Variants in ACO1 observed in about 807,000 individuals in gnomAD.
The protein encoded by ACO1 is cytoplasmic aconitate hydratase.
ACO1 carries 78 observed loss-of-function variants against 105.1 expected under a neutral mutation model. That is an observed-to-expected ratio of 0.74 (90% CI 0.62 to 0.90). The LOEUF is 0.90. Among genes scored for constraint, ACO1 ranks in the 40% least tolerant of loss-of-function variants. ACO1 has a pLI of 0.00. For missense variants in ACO1, 965 were observed against 1,111.1 expected (o/e 0.87, Z 1.87); for synonymous variants, 364 against 397.4 (o/e 0.92, Z 1.00).
chr9:32,399,737 C>G (rs544734446), intron 1 of ACO1, among the ~76,000 whole-genome samples: 17 of 150,796 alleles, frequency 1.1e-4, no homozygotes, highest in Non-Finnish European at 2.2e-4. Context: ...ACACGATTGT[C>G]CTATTAAGAT....
chr9:32,435,261 T>G (rs931653869), intron 17 of ACO1, among the ~76,000 whole-genome samples: 1 of 152,204 alleles, frequency 6.6e-6, no homozygotes, highest in South Asian at 2.1e-4. Flanking sequence ...CTGGTTTCTA[T>G]CCCCATCTGC....
intron 19 of ACO1, among the ~76,000 whole-genome samples, chr9:32,448,443 A>C (rs138340474): frequency 2.0e-5 from 3 of 152,180 alleles, no homozygotes; most frequent in African/African-American, 7.2e-5. Context: ...AAGCCAGTGG[A>C]TCTTAGCTTT....
At chr9:32,433,679 T>C (rs757840061) in intron 15 of ACO1, 49 bp from the exon 16 acceptor site, 3 of 1,421,742 alleles carry the variant, frequency 2.1e-6, no homozygotes, top group East Asian at 4.6e-5. Context: ...ATATTAAATT[T>C]TCTCTGGAAT....
At chr9:32,440,775 CAG>C (rs762994401) in intron 19 of ACO1, among the ~76,000 whole-genome samples, 188 bp downstream of exon 19, 5 of 152,158 alleles carry the variant, frequency 3.3e-5, no homozygotes, top group Non-Finnish European at 5.9e-5. Context: ...AAGGGCAATG[CAG>C]AGTTGAACTG....
Position 32,439,622 on chromosome 9 carries a change from T to A in ACO1, c.2248-843T>A, listed in dbSNP as rs190940529. 1.7e-4 allele frequency among the ~76,000 whole-genome samples: 26 copies of A among 152,338 alleles called. No individual in the cohort carries two copies. Among genetic ancestry groups the A allele is most frequent in the Admixed American group, 1.3e-3 (20 of 15,308 alleles). ...AGATGTTTCTCATGTACTAAAATATTAATCTTTTTCTACCTTTTATTGGGC... is the reference window on the plus strand; with the variant it reads ...AGATGTTTCTCATGTACTAAAATATAAATCTTTTTCTACCTTTTATTGGGC... On this transcript the variant is annotated intron_variant, in intron 18 of 20. Coordinates refer to ENST00000309951, the MANE Select transcript of ACO1 (RefSeq NM_002197.3). This position sits in a 1 kb window ranked among gnomAD's most constrained non-coding sequence, Gnocchi z 4.0.
intron 19 of ACO1, among the ~76,000 whole-genome samples, chr9:32,446,229 G>A (rs975135572): frequency 6.6e-6 from 1 of 152,128 alleles, no homozygotes; most frequent in African/African-American, 2.4e-5. Flanking sequence ...CACTATTATT[G>A]TGTGGGAGTC....
intron 1 of ACO1, among the ~76,000 whole-genome samples, chr9:32,388,445 A>G (rs1437305804): frequency 6.6e-6 from 1 of 152,054 alleles, no homozygotes; most frequent in African/African-American, 2.4e-5. Context: ...AGAGGCAGGA[A>G]GATCACCTGG....
At chr9:32,436,431 G>C (rs1822364220) in intron 18 of ACO1, 34 bp downstream of exon 18, 1 of 1,606,134 alleles carries the variant, frequency 6.2e-7, no homozygotes, top group South Asian at 1.1e-5. Context: ...GCAGACACTA[G>C]CATTTGTCAG....
intron 4 of ACO1, among the ~76,000 whole-genome samples, chr9:32,410,692 C>T (rs1477657926): frequency 1.3e-5 from 2 of 152,142 alleles, no homozygotes; most frequent in African/African-American, 4.8e-5. Flanking sequence ...TCCTTTTCTC[C>T]AAAAGGCAGA....
At chr9:32,394,403 TG>T (rs1821328355) in intron 1 of ACO1, among the ~76,000 whole-genome samples, 3 of 152,236 alleles carry the variant, frequency 2.0e-5, no homozygotes, top group African/African-American at 7.2e-5. Context: ...TGAAGGAGGA[TG>T]GGGACTTTAT....
Position 32,403,239 on chromosome 9 carries a change from A to G in ACO1, c.-22-2246A>G, listed in dbSNP as rs185952460. ...GTTTTTCATCCCTCTGAGCTGCGGT[A>G]TGCTTATCTGTACAATGGAAATAAT... On this transcript the variant is annotated intron_variant, in intron 1 of 20. Coordinates refer to ENST00000309951, the MANE Select transcript of ACO1 (RefSeq NM_002197.3). Among the ~76,000 whole-genome samples, 109 of 152,308 alleles carry G rather than the reference A, an allele frequency of 7.2e-4. 1 individual carries two copies. Among genetic ancestry groups the G allele is most frequent in the African/African-American group, 2.5e-3 (105 of 41,580 alleles).
At chr9:32,436,135 A>G in intron 17 of ACO1, 115 bp from the exon 18 acceptor site, 1 of 1,386,520 alleles carries the variant, frequency 7.2e-7, no homozygotes, top group Non-Finnish European at 1.0e-6. Flanking sequence ...GGAGACTTAG[A>G]GAAATAGCCA....
intron 1 of ACO1, among the ~76,000 whole-genome samples, chr9:32,402,215 C>G (rs181539511): frequency 6.6e-6 from 1 of 151,454 alleles, no homozygotes; most frequent in African/African-American, 2.4e-5. Context: ...TTCTTCTCCT[C>G]TTTTCTCTTC....
intron 1 of ACO1, 108 bp downstream of exon 1, chr9:32,384,843 G>A: frequency 4.1e-6 from 1 of 244,972 alleles, no homozygotes; most frequent in South Asian, 3.1e-5. Flanking sequence ...GGCAGTGGCG[G>A]CACGGGGGAC....
At position 32,411,499 on chromosome 9, in the gene ACO1, A is replaced by G. The variant is rs371210632; in HGVS notation, c.404+2848A>G. Among the ~76,000 whole-genome samples, 23 of 152,334 alleles carry G rather than the reference A, an allele frequency of 1.5e-4. No individual in the cohort carries two copies. The South Asian group carries it at 4.4e-3, about 29-fold the overall frequency. ...GAGAAAATAACTTGAAAAATATGGC[A>G]AAGTGTTAATATACTTAATATATGG... On this transcript the variant is annotated intron_variant, in intron 4 of 20. Transcript: ENST00000309951.
At position 32,453,913 on chromosome 9, in the gene ACO1, A is replaced by AGTT. The variant is rs1168863606; in HGVS notation, c.*3804_*3806dup. 3 of 152,266 alleles carry AGTT rather than the reference A, an allele frequency of 2.0e-5. No individual in the cohort carries two copies. Among genetic ancestry groups the AGTT allele is most frequent in the African/African-American group, 7.2e-5 (3 of 41,472 alleles). 9.4% of individuals were successfully genotyped at this position (152,266 alleles called of 1,614,324 possible). On this transcript the variant is annotated 3_prime_UTR_variant, in exon 21 of 21. Transcript: ENST00000309951. ...TAGCTGATATTAAGTAAGTTTTAAA[A>AGTT]GTTGACATCCCAAGAGTGAAGCCTA...
At chr9:32,389,651 A>G (rs1369976290) in intron 1 of ACO1, among the ~76,000 whole-genome samples, 1 of 147,318 alleles carries the variant, frequency 6.8e-6, no homozygotes, top group East Asian at 2.0e-4. Context: ...GTCTCCCTAG[A>G]TCGACTGGCC....
intron 2 of ACO1, among the ~76,000 whole-genome samples, chr9:32,405,852 G>A (rs1372902715): frequency 2.0e-5 from 3 of 152,206 alleles, no homozygotes; most frequent in Non-Finnish European, 2.9e-5. Flanking sequence ...CATTTAATCT[G>A]AATAACAACC....
chr9:32,423,190 C>A, intron 8 of ACO1, 129 bp from the exon 9 acceptor site: 1 of 537,298 alleles, frequency 1.9e-6, no homozygotes. Flanking sequence ...ATTGACAGAG[C>A]TGTTGGTGTG....
Sources: allele counts gnomAD v4.1 joint callset (sites outside exome capture counted in the v4.1 genomes callset), GRCh38; gene constraint gnomAD v4.1.1; non-coding constraint Gnocchi (gnomAD v3.1); transcripts MANE v1.5; gene names NCBI Gene and HGNC (gene_info 2026-07-23, HGNC 2026-07-21).